The following LIG1 variants were observed in gnomAD, a reference collection of about 807,000 sequenced individuals.
LIG1 encodes the protein DNA ligase 1, also known as ligase I, DNA, ATP-dependent.
In LIG1, 70 loss-of-function variants were observed where a neutral mutation model predicts 115.7. The observed-to-expected ratio is 0.60, with a 90% CI of 0.50 to 0.74. The LOEUF (loss-of-function observed/expected upper bound fraction) is 0.74. Ranked by LOEUF, LIG1 falls within the 30% of genes least tolerant of loss-of-function variation. The pLI is 0.00. For synonymous variants in LIG1, 487 were observed against 495.3 expected, an observed-to-expected ratio of 0.98 and a Z score of 0.22; for missense variants, 1,115 against 1,225.6, an observed-to-expected ratio of 0.91 and a Z score of 1.35.
chr19:48,165,573 G>T lies in LIG1; in HGVS notation c.-7C>A. On this transcript the variant is annotated 5_prime_UTR_variant, in exon 2 of 28. Coordinates refer to ENST00000263274, the MANE Select transcript of LIG1 (RefSeq NM_000234.3). ...ACATGATACTTCGCTGCATGTTGGC[G>T]TCAGAATTCTCCCTTCCTGTCCAGC... 2.5e-6 allele frequency: 4 copies of T among 1,613,606 alleles called. No individual in the cohort carries two copies. The highest frequency in any genetic ancestry group is 3.4e-6 in the Non-Finnish European group (4 of 1,179,738).
At chr19:48,142,353 G>C (rs2034816881) in intron 11 of LIG1, among the ~76,000 whole-genome samples, 1 of 151,010 alleles carries the variant, frequency 6.6e-6, no homozygotes, top group African/African-American at 2.4e-5. Flanking sequence ...TGAGGCAGGA[G>C]AATGGTGTGA....
intron 7 of LIG1, among the ~76,000 whole-genome samples, chr19:48,150,539 G>C (rs917127230): frequency 2.0e-5 from 3 of 152,060 alleles, no homozygotes; most frequent in Non-Finnish European, 4.4e-5. Context: ...AATTCTCCCG[G>C]CAAGTGTTGT....
At chr19:48,164,708 C>T (rs1599887694) in intron 2 of LIG1, among the ~76,000 whole-genome samples, 1 of 152,186 alleles carries the variant, frequency 6.6e-6, no homozygotes, top group South Asian at 2.1e-4. Flanking sequence ...GCAACTGGAT[C>T]GAACCAAGCC....
chr19:48,137,205 C>T lies in LIG1; in HGVS notation c.1255-121G>A, dbSNP rs1568505767. ...CTGCCCTCCTTCCCTCACCCCATCC[C>T]CATGTCCCAGCTCCCATGGCCGCCC... is the stretch of plus-strand genomic sequence containing the variant. On this transcript the variant is annotated intron_variant, in intron 13 of 27. Transcript: ENST00000263274. This position sits in a 1 kb window ranked among gnomAD's most constrained non-coding sequence, Gnocchi z 4.3. The T allele has an allele frequency of 2.3e-6, 2 of 886,248 alleles. No homozygotes were observed. The highest frequency in any genetic ancestry group is 5.3e-5 in the East Asian group (2 of 38,048). 54.9% of individuals were successfully genotyped at this position (886,248 alleles called of 1,614,324 possible).
rs540110676 is a variant in LIG1, at chr19:48,135,016, T to G, written c.1523+664A>C. ...GGCCGCTCCACGGATGTCCTCTCCA[T>G]GACTGTCAAGACCCTTCACCATGTG... On this transcript the variant is annotated intron_variant, in intron 16 of 27. Coordinates refer to ENST00000263274, the MANE Select transcript of LIG1 (RefSeq NM_000234.3). 2.0e-5 allele frequency among the ~76,000 whole-genome samples: 3 copies of G among 152,330 alleles called. No individual in the cohort carries two copies. The East Asian group carries it at 5.8e-4, about 29-fold the overall frequency.
chr19:48,155,788 G>A (rs1194811387), intron 5 of LIG1, among the ~76,000 whole-genome samples: 1 of 152,078 alleles, frequency 6.6e-6, no homozygotes, highest in East Asian at 1.9e-4. Flanking sequence ...ATTTTCATCG[G>A]CAACATGATC....
At chr19:48,141,347 G>A (rs2034738170) in intron 11 of LIG1, among the ~76,000 whole-genome samples, 1 of 152,122 alleles carries the variant, frequency 6.6e-6, no homozygotes, top group South Asian at 2.1e-4. Context: ...GGTCAGGCTG[G>A]TCTCGAACTC....
chr19:48,141,632 C>A (rs944878223), intron 11 of LIG1, among the ~76,000 whole-genome samples: 6 of 152,202 alleles, frequency 3.9e-5, no homozygotes, highest in Non-Finnish European at 5.9e-5. Context: ...CCAAGCTGCA[C>A]CACCTCTAAA....
chr19:48,158,843 C>G (rs2036005492), intron 4 of LIG1, among the ~76,000 whole-genome samples: 1 of 152,204 alleles, frequency 6.6e-6, no homozygotes, highest in Non-Finnish European at 1.5e-5. Context: ...AGCTCAGAGA[C>G]CTGCCAGCAG....
Position 48,143,960 on chromosome 19 carries a change from G to T in LIG1, c.780C>A (p.Pro260=). Residue 260 remains proline, a synonymous_variant, in exon 10 of 28, where the codon CCC becomes CCA. Transcript: ENST00000263274. The part of the protein sequence containing the change: ...APGKEGAAEG[P]LDPSGYNPAK... ...CAGGATTGTAACCAGATGGATCCAG[G>T]GGTCTACGGAGGCAAAACGGAGATT... The T allele has an allele frequency of 6.2e-7, 1 of 1,613,674 alleles. No individual in the cohort carries two copies. Among genetic ancestry groups the T allele is most frequent in the Non-Finnish European group, 8.5e-7 (1 of 1,179,606 alleles).
chr19:48,122,063 C>G lies in LIG1; in HGVS notation c.2233-741G>C, dbSNP rs2033321413. The G allele has an allele frequency of 6.6e-6, 1 of 152,554 alleles. No individual in the cohort carries two copies. Among genetic ancestry groups the G allele is most frequent in the African/African-American group, 2.4e-5 (1 of 41,456 alleles). The allele number at this position is 152,554 out of a possible 1,614,324, so 9.5% of individuals were successfully genotyped here. On this transcript the variant is annotated intron_variant, in intron 23 of 27. Coordinates refer to ENST00000263274, the MANE Select transcript of LIG1 (RefSeq NM_000234.3). This position sits in a 1 kb window ranked among gnomAD's most constrained non-coding sequence, Gnocchi z 4.3. ...GGAAAGGTCTGTGCTGGAGGGAAAC[C>G]AGCCACAGACAGACATAAGTACACA...
At chr19:48,131,020 CTTTGCACCCCT>C in intron 19 of LIG1, 45 bp downstream of exon 19, 1 of 1,440,382 alleles carries the variant, frequency 6.9e-7, no homozygotes. Context: ...GGCCTCAGGC[CTTTGCACCCCT>C]GACCACAGAC....
intron 18 of LIG1, 66 bp downstream of exon 18, chr19:48,132,916 T>C: frequency 1.1e-5 from 13 of 1,205,174 alleles, no homozygotes; most frequent in African/African-American, 1.5e-5. Context: ...CAGGCCTCAG[T>C]GACCCCACAC....
At position 48,137,168 on chromosome 19, in the gene LIG1, A is replaced by G. The variant is rs1173698277; in HGVS notation, c.1255-84T>C. On this transcript the variant is annotated intron_variant, in intron 13 of 27. Transcript: ENST00000263274. The surrounding 1 kb of genome is among the most constrained non-coding windows in gnomAD (Gnocchi z 4.3). ...CCCACCAGCCGTGCTGCTGCCCTGC[A>G]TTTTGGAATACCTGCCCTCCTTCCC... The G allele has an allele frequency of 2.6e-6, 3 of 1,156,202 alleles. No homozygotes were observed. The highest frequency in any genetic ancestry group is 2.3e-4 in the Middle Eastern group (1 of 4,274). 71.6% of individuals were successfully genotyped at this position (1,156,202 alleles called of 1,614,324 possible). A position where few individuals can be genotyped will look rare whatever the true frequency, so the allele number is the denominator to read the frequency against.
At chr19:48,121,046 G>A (rs186096759) in intron 24 of LIG1, 124 bp downstream of exon 24, 1,099 of 1,559,056 alleles carry the variant, frequency 7.0e-4, no homozygotes, top group Non-Finnish European at 7.7e-4. Context: ...TAAAAACTGG[G>A]GAGAACGGAT....
intron 18 of LIG1, among the ~76,000 whole-genome samples, chr19:48,132,562 T>C (rs2034096045): frequency 6.6e-6 from 1 of 150,732 alleles, no homozygotes; most frequent in African/African-American, 2.4e-5. Flanking sequence ...GAGGCTGAGG[T>C]GGGTGGATCA....
chr19:48,144,113 G>A, intron 9 of LIG1, 150 bp from the exon 10 acceptor site: 1 of 731,244 alleles, frequency 1.4e-6, no homozygotes, highest in East Asian at 2.5e-5. Flanking sequence ...TCACATTCCA[G>A]CAGGAGAGTC....
In LIG1 at chr19:48,153,947, G is replaced by A. The variant is rs141907244; in HGVS notation, c.391C>T (p.Arg131Trp). ...TCTTCCAGGACTTCCTGAATGGTCC[G>A]TTTCGGGAGCTGCTTCCGAGCTGGG... ...RRTARKQLPK[R>W]TIQEVLEEQS... Residue 131 changes from arginine (R) to tryptophan (W), a missense_variant, in exon 6 of 28, where the codon CGG (arginine) becomes TGG (tryptophan). By Grantham distance (101) the Arg-to-Trp change is moderately radical. Coordinates refer to ENST00000263274, the MANE Select transcript of LIG1 (RefSeq NM_000234.3). The A allele has an allele frequency of 9.3e-6, 15 of 1,613,570 alleles. No homozygotes were observed. The highest frequency in any genetic ancestry group is 4.0e-5 in the African/African-American group (3 of 74,832).
At chr19:48,162,560 A>C (rs56224917) in intron 2 of LIG1, among the ~76,000 whole-genome samples, 1,798 of 151,834 alleles carry the variant, frequency 0.012, 17 homozygotes, top group Middle Eastern at 0.034. Context: ...CAGCCTCCCA[A>C]GTAGCTGGAA....
Sources: allele counts gnomAD v4.1 joint callset (sites outside exome capture counted in the v4.1 genomes callset), GRCh38; gene constraint gnomAD v4.1.1; non-coding constraint Gnocchi (gnomAD v3.1); transcripts MANE v1.5; gene names NCBI Gene and HGNC (gene_info 2026-07-23, HGNC 2026-07-21).